NRXN3: variants seen among roughly 807,000 people sequenced by gnomAD.
NRXN3 encodes neurexin 3.
A neutral mutation model predicts 137.6 loss-of-function variants in NRXN3; 32 were observed. The ratio of observed to expected loss-of-function variants is 0.23; its 90% CI spans 0.18 to 0.31. The LOEUF (loss-of-function observed/expected upper bound fraction) is 0.31, where lower values mean the gene tolerates loss of function less well. NRXN3 is among the 10% of genes least tolerant of loss of function. The pLI is 1.00. For missense variants in NRXN3, 1,574 were observed against 2,062.5 expected, an observed-to-expected ratio of 0.76 and a Z score of 4.59; for synonymous variants, 798 against 784.5, an observed-to-expected ratio of 1.02 and a Z score of -0.29.
chr14:78,404,162 A>G (rs2092320698), intron 4 of NRXN3, among the ~76,000 whole-genome samples: 1 of 151,264 alleles, frequency 6.6e-6, no homozygotes, highest in African/African-American at 2.4e-5. Flanking sequence ...GCCCCAGAAC[A>G]GGGTCTTTGG....
At chr14:78,537,906 G>T (rs1358605444) in intron 4 of NRXN3, among the ~76,000 whole-genome samples, 1 of 152,182 alleles carries the variant, frequency 6.6e-6, no homozygotes, top group Non-Finnish European at 1.5e-5. Flanking sequence ...GTTTGTCAAA[G>T]ATCAGATGGT....
At chr14:78,906,633 T>C (rs1328650704) in intron 10 of NRXN3, among the ~76,000 whole-genome samples, 2 of 152,104 alleles carry the variant, frequency 1.3e-5, no homozygotes, top group African/African-American at 2.4e-5. Context: ...GTTATCTTTT[T>C]TTCCCTGATC....
intron 4 of NRXN3, among the ~76,000 whole-genome samples, chr14:78,538,842 G>A (rs1485550317): frequency 1.3e-5 from 2 of 152,058 alleles, no homozygotes; most frequent in African/African-American, 4.8e-5. Context: ...GAATTTTGTG[G>A]AAGGCCTTTT....
At chr14:79,493,323 A>G (rs8004168) in intron 16 of NRXN3, among the ~76,000 whole-genome samples, 145,123 of 152,340 alleles carry the variant, frequency 0.95, 69,144 homozygotes, top group East Asian at 1. Context: ...CAAAGCAAGA[A>G]AATAGAATCT....
chr14:78,324,449 G>A (rs7153577), intron 4 of NRXN3, among the ~76,000 whole-genome samples: 75,064 of 151,856 alleles, frequency 0.49, 19,629 homozygotes, highest in East Asian at 0.67. Flanking sequence ...TGATCTGAGA[G>A]TGTTTTTGTT....
intron 17 of NRXN3, among the ~76,000 whole-genome samples, chr14:79,673,443 G>A (rs2098622601): frequency 6.6e-6 from 1 of 152,106 alleles, no homozygotes; most frequent in South Asian, 2.1e-4. Context: ...AAATGCTGAA[G>A]TGTATATCAA....
At chr14:78,423,147 A>G (rs989802189) in intron 4 of NRXN3, among the ~76,000 whole-genome samples, 1 of 151,650 alleles carries the variant, frequency 6.6e-6, no homozygotes, top group Non-Finnish European at 1.5e-5. Context: ...AAATGTGACA[A>G]TATAACTACC....
At chr14:79,534,575 G>T (rs568934135) in intron 16 of NRXN3, among the ~76,000 whole-genome samples, 16 of 151,936 alleles carry the variant, frequency 1.1e-4, no homozygotes, top group Non-Finnish European at 4.4e-5. Context: ...ACTCTCCTAG[G>T]GGAACATATG....
At chr14:78,865,650 C>G (rs2099084871) in intron 10 of NRXN3, among the ~76,000 whole-genome samples, 1 of 152,198 alleles carries the variant, frequency 6.6e-6, no homozygotes. Flanking sequence ...TCTTCTCCAA[C>G]ACCATCTCCA....
At chr14:79,304,244 C>G (rs1179402547) in intron 15 of NRXN3, among the ~76,000 whole-genome samples, 1 of 152,002 alleles carries the variant, frequency 6.6e-6, no homozygotes, top group Non-Finnish European at 1.5e-5. Flanking sequence ...TCGGAGTTCC[C>G]AAATACATGG....
At chr14:79,600,799 T>C (rs1050463925) in intron 16 of NRXN3, among the ~76,000 whole-genome samples, 1 of 151,894 alleles carries the variant, frequency 6.6e-6, no homozygotes, top group Non-Finnish European at 1.5e-5. Flanking sequence ...GAAAAATGGC[T>C]AATTCTAGCA....
chr14:79,403,294 A>G (rs778280532), intron 15 of NRXN3, among the ~76,000 whole-genome samples: 38 of 152,214 alleles, frequency 2.5e-4, no homozygotes, highest in Non-Finnish European at 4.4e-4. Flanking sequence ...GGATGAGGAC[A>G]TGCCTTTCCC....
At chr14:78,864,746 A>G (rs947879701) in intron 10 of NRXN3, among the ~76,000 whole-genome samples, 1 of 152,178 alleles carries the variant, frequency 6.6e-6, no homozygotes, top group Admixed American at 6.5e-5. Context: ...CTTTGGTTTC[A>G]TAAAGAGTGG....
At chr14:78,722,125 C>T (rs17108128) in intron 8 of NRXN3, among the ~76,000 whole-genome samples, 21,376 of 152,034 alleles carry the variant, frequency 0.14, 2,056 homozygotes, top group African/African-American at 0.27. Flanking sequence ...TTGTAGATTC[C>T]GGTTATTCTA....
intron 15 of NRXN3, among the ~76,000 whole-genome samples, chr14:79,207,480 A>G (rs1057413624): frequency 6.6e-6 from 1 of 152,230 alleles, no homozygotes; most frequent in Non-Finnish European, 1.5e-5. Context: ...TGAGGATTTC[A>G]TATTAACAAC....
chr14:79,517,272 A>C (rs1427810499), intron 16 of NRXN3, among the ~76,000 whole-genome samples: 1 of 152,100 alleles, frequency 6.6e-6, no homozygotes, highest in Non-Finnish European at 1.5e-5. Context: ...ACTTTTTAGA[A>C]ATCGTTTGTA....
intron 2 of NRXN3, among the ~76,000 whole-genome samples, chr14:78,245,062 C>T (rs1448996144): frequency 6.6e-6 from 1 of 152,170 alleles, no homozygotes; most frequent in African/African-American, 2.4e-5. Context: ...AAGCTGAGAA[C>T]CAACCATACA....
intron 15 of NRXN3, among the ~76,000 whole-genome samples, chr14:79,209,522 G>C (rs1447318562): frequency 6.6e-6 from 1 of 152,124 alleles, no homozygotes; most frequent in African/African-American, 2.4e-5. Context: ...AGATCATTAA[G>C]GTCTCAGTTC....
intron 4 of NRXN3, among the ~76,000 whole-genome samples, chr14:78,504,184 C>A (rs536909392): frequency 6.6e-6 from 1 of 152,214 alleles, no homozygotes; most frequent in South Asian, 2.1e-4. Context: ...TTTGGGAAAC[C>A]CTGGTTAGTT....
Sources: allele counts gnomAD v4.1 joint callset (sites outside exome capture counted in the v4.1 genomes callset), GRCh38; gene constraint gnomAD v4.1.1; transcripts MANE v1.5; gene names NCBI Gene and HGNC (gene_info 2026-07-23, HGNC 2026-07-21).